ENO4: variants seen among roughly 807,000 people sequenced by gnomAD.
ENO4 encodes 2-phospho-D-glycerate hydro-lyase.
A neutral mutation model predicts 63.2 loss-of-function variants in ENO4; 53 were observed. The observed-to-expected ratio is 0.84, with a 90% CI of 0.67 to 1.05. ENO4 has a LOEUF of 1.05. Among genes scored for constraint, ENO4 ranks in the 50% least tolerant of loss-of-function variants. The pLI is 0.00. For missense variants in ENO4, 719 were observed against 772.0 expected (o/e 0.93, Z 0.81); for synonymous variants, 266 against 283.8 (o/e 0.94, Z 0.63).
At chr10:116,895,630 C>A (rs1847491767) in intron 10 of ENO4, among the ~76,000 whole-genome samples, 1 of 152,176 alleles carries the variant, frequency 6.6e-6, no homozygotes, top group Non-Finnish European at 1.5e-5. Context: ...AATGAAGCAA[C>A]TTAACTGCAG....
At chr10:116,851,894 T>C (rs1161200124) in intron 1 of ENO4, among the ~76,000 whole-genome samples, 1 of 152,156 alleles carries the variant, frequency 6.6e-6, no homozygotes, top group Non-Finnish European at 1.5e-5. Flanking sequence ...ACTGAAACAC[T>C]ATACCTCCTC....
chr10:116,871,223 C>T lies in ENO4; in HGVS notation c.1146C>T (p.Asn382=), dbSNP rs757108146. The T allele has an allele frequency of 1.3e-6, 2 of 1,550,442 alleles. No individual in the cohort carries two copies. The highest frequency in any genetic ancestry group is 1.2e-5 in the South Asian group (1 of 84,046). Residue 382 remains asparagine, a synonymous_variant, in exon 9 of 14, where the codon AAC becomes AAT. Coordinates refer to ENST00000341276, the MANE Select transcript of ENO4 (RefSeq NM_001242699.2). ...PLLLIQEICA[N]LGLELGTNLH... is the part of the protein sequence containing the mutation. ...TTCTAATACAGGAAATCTGTGCCAA[C>T]CTGGGGCTAGAACTGGGAACAAATC...
intron 10 of ENO4, chr10:116,901,997 A>G (rs778598054): frequency 6.6e-7 from 1 of 1,505,576 alleles, no homozygotes; most frequent in Admixed American, 2.3e-5. Flanking sequence ...ATAATTCTGT[A>G]TGATGCTTAT....
rs1845997522 is a variant in ENO4, at chr10:116,849,679, A to T, written c.113A>T (p.Glu38Val). 1.3e-6 allele frequency: 2 copies of T among 1,549,308 alleles called. No homozygotes were observed. Among genetic ancestry groups the T allele is most frequent in the Admixed American group, 2.0e-5 (1 of 50,886 alleles). ...AACGACGTTCCGCGCAGGCTGGAAG[A>T]GCTGCTCAACTCCACCTTCTACCTC... ...RENDVPRRLEELLNSTFYLQP... is the reference protein window; with the variant it reads ...RENDVPRRLEVLLNSTFYLQP... The change falls in exon 1 of 14, where the codon GAG (glutamate) becomes GTG (valine). Residue 38 changes from glutamate to valine, a missense_variant. Glu to Val is a moderately radical substitution (Grantham distance 121). This residue lies in a region of ENO4 where 544 missense variants were observed against 583.6 expected (regional missense o/e 0.93). Coordinates refer to ENST00000341276, the MANE Select transcript of ENO4 (RefSeq NM_001242699.2).
At chr10:116,861,503 C>A (rs2133256382) in intron 6 of ENO4, among the ~76,000 whole-genome samples, 1 of 152,304 alleles carries the variant, frequency 6.6e-6, no homozygotes, top group Non-Finnish European at 1.5e-5. Context: ...ATTTACTCTG[C>A]ACTGTGCCCT....
chr10:116,892,912 G>A (rs1013213911), intron 10 of ENO4, among the ~76,000 whole-genome samples: 4 of 152,134 alleles, frequency 2.6e-5, no homozygotes, highest in Admixed American at 6.5e-5. Context: ...ACAATGTACC[G>A]AAAGCAATTT....
chr10:116,862,031 C>A (rs959850368), intron 6 of ENO4, among the ~76,000 whole-genome samples: 1 of 152,138 alleles, frequency 6.6e-6, no homozygotes, highest in African/African-American at 2.4e-5. Flanking sequence ...ACGAGGAATG[C>A]CATTCTTTAT....
At position 116,849,751 on chromosome 10, in the gene ENO4, G is replaced by C. The variant is rs775298055; in HGVS notation, c.165+20G>C. ...CACCTGGTAGGGACCTGGGACAAGC[G>C]CTCTCCTCCCGCCAACCCCTCTCCC... is the stretch of plus-strand genomic sequence containing the variant. On this transcript the variant is annotated intron_variant, in intron 1 of 13. Transcript: ENST00000341276. 24 of 1,487,954 alleles carry C rather than the reference G, an allele frequency of 1.6e-5. No homozygotes were observed. The highest frequency in any genetic ancestry group is 2.2e-5 in the Non-Finnish European group (24 of 1,115,000). The allele number at this position is 1,487,954 out of a possible 1,614,324, so 92.2% of individuals were successfully genotyped here. A position where few individuals can be genotyped will look rare whatever the true frequency, so the allele number is the denominator to read the frequency against.
chr10:116,853,996 G>A (rs1360185262), intron 1 of ENO4, among the ~76,000 whole-genome samples: 2 of 152,150 alleles, frequency 1.3e-5, no homozygotes, highest in East Asian at 3.9e-4. Flanking sequence ...GTCTCTCCTA[G>A]CTCCTGCTCC....
At chr10:116,895,915 C>G (rs936491344) in intron 10 of ENO4, among the ~76,000 whole-genome samples, 1 of 152,088 alleles carries the variant, frequency 6.6e-6, no homozygotes, top group Non-Finnish European at 1.5e-5. Flanking sequence ...AACAAAAGCA[C>G]CTTGCTTAAT....
At chr10:116,861,232 A>ATAT (rs758025144) in intron 6 of ENO4, 42 bp downstream of exon 6, 42 of 514,078 alleles carry the variant, frequency 8.2e-5, no homozygotes, top group Middle Eastern at 6.9e-4. Context: ...AAAAAAAAAA[A>ATAT]AAAAATATAT....
At chr10:116,868,214 A>G (rs1224939608) in intron 7 of ENO4, among the ~76,000 whole-genome samples, 1 of 152,208 alleles carries the variant, frequency 6.6e-6, no homozygotes, top group Non-Finnish European at 1.5e-5. Flanking sequence ...AATATTCAAA[A>G]CAATATGTTG....
intron 4 of ENO4, 90 bp downstream of exon 4, chr10:116,859,228 G>A: frequency 7.2e-7 from 1 of 1,385,922 alleles, no homozygotes; most frequent in Non-Finnish European, 9.4e-7. Context: ...GAGTCTCTTG[G>A]CTACAGGCCT....
chr10:116,883,723 A>T (rs1163980584), downstream of ENO4: 2 of 154,560 alleles, frequency 1.3e-5, no homozygotes, highest in Admixed American at 1.3e-4. Flanking sequence ...ATTATTGGTG[A>T]GTAGTTAGAG....
chr10:116,881,791 ATTC>A lies in ENO4; in HGVS notation c.*127_*129del. ...AACTTCACCAACTCTTGTGGTTTTT[ATTC>A]TTCTAATTCCACTGTTTGGTAAATT... On this transcript the variant is annotated 3_prime_UTR_variant, in exon 14 of 14. Coordinates refer to ENST00000341276, the MANE Select transcript of ENO4 (RefSeq NM_001242699.2). 1 of 702,888 alleles carries A rather than the reference ATTC, an allele frequency of 1.4e-6. No individual in the cohort carries two copies. Among genetic ancestry groups the A allele is most frequent in the Non-Finnish European group, 2.1e-6 (1 of 481,248 alleles). The allele number at this position is 702,888 out of a possible 1,614,324, so 43.5% of individuals were successfully genotyped here. A position where few individuals can be genotyped will look rare whatever the true frequency, so the allele number is the denominator to read the frequency against.
chr10:116,883,334 TGAAA>T (rs1216976663), downstream of ENO4: 2 of 152,182 alleles, frequency 1.3e-5, no homozygotes, highest in African/African-American at 2.4e-5. Flanking sequence ...GTGAAAGAAA[TGAAA>T]GAAACAGTCA....
chr10:116,849,847 G>A, intron 1 of ENO4, 116 bp downstream of exon 1: 1 of 1,210,932 alleles, frequency 8.3e-7, no homozygotes, highest in Non-Finnish European at 1.2e-6. Context: ...AGCCGCCCGG[G>A]CCCTGGGCCT....
At chr10:116,887,947 C>T (rs75259817) in intron 10 of ENO4, among the ~76,000 whole-genome samples, 152 of 152,302 alleles carry the variant, frequency 1.0e-3, no homozygotes, top group Middle Eastern at 3.4e-3. Context: ...GACCCGGTCA[C>T]GGGCACAAAA....
intron 10 of ENO4, among the ~76,000 whole-genome samples, chr10:116,874,943 G>A (rs1846786876): frequency 6.6e-6 from 1 of 152,100 alleles, no homozygotes; most frequent in African/African-American, 2.4e-5. Context: ...CAAAGTGCTA[G>A]AATTACAGGC....
Sources: gnomAD v4.1 joint callset for allele counts (sites outside exome capture counted in the v4.1 genomes callset) on GRCh38, gnomAD v4.1.1 for gene constraint, gnomAD v4.1.1 regional missense constraint, MANE v1.5 for transcripts, NCBI Gene and HGNC (gene_info 2026-07-23, HGNC 2026-07-21) for gene names.